SMU1: variants seen among roughly 807,000 people sequenced by gnomAD.
SMU1 encodes the protein WD40 repeat-containing protein SMU1.
SMU1 carries 2 observed loss-of-function variants against 62.0 expected under a neutral mutation model. That is an observed-to-expected ratio of 0.03 (90% confidence interval 0.01 to 0.10). SMU1 has a LOEUF of 0.10. Among genes scored for constraint, SMU1 ranks in the 10% least tolerant of loss-of-function variants. The pLI is 1.00. For synonymous variants in SMU1, 188 were observed against 212.4 expected (o/e 0.89, Z 1.00); for missense variants, 227 against 622.1 (o/e 0.36, Z 6.76).
chr9:33,060,380 C>T lies in SMU1; in HGVS notation c.750+85G>A, dbSNP rs918362745. The T allele has an allele frequency of 9.2e-6, 11 of 1,195,276 alleles. No individual in the cohort carries two copies. In the African/African-American group the frequency reaches 1.4e-4, roughly 15 times the overall value. 74.0% of individuals were successfully genotyped at this position (1,195,276 alleles called of 1,614,324 possible). ...TCATTACATACAGATCCTTTTTCAA[C>T]TAATCTGATTTAGAGGCCATAGGTA... is the stretch of plus-strand genomic sequence containing the variant. On this transcript the variant is annotated intron_variant, in intron 6 of 11. Transcript: ENST00000397149.
In SMU1 at chr9:33,056,094, C is replaced by T; in HGVS notation, c.1122+19G>A. 6.3e-7 allele frequency: 1 copy of T among 1,591,076 alleles called. No homozygotes were observed. Among genetic ancestry groups the T allele is most frequent in the Non-Finnish European group, 8.6e-7 (1 of 1,166,808 alleles). ...GATGGGGTAGACATCCCAAAATAAA[C>T]TGATAGCAAATACTTAACCTTTACA... On this transcript the variant is annotated intron_variant, in intron 9 of 11. Transcript: ENST00000397149.
chr9:33,057,672 C>T lies in SMU1; in HGVS notation c.793G>A (p.Asp265Asn). The T allele has an allele frequency of 1.2e-6, 2 of 1,613,934 alleles. No homozygotes were observed. Among genetic ancestry groups the T allele is most frequent in the Non-Finnish European group, 1.7e-6 (2 of 1,179,950 alleles). The change falls in exon 7 of 12, where the codon GAT becomes AAT. Residue 265 changes from aspartate (D) to asparagine (N), a missense_variant. Asp to Asn is a conservative substitution (Grantham distance 23, BLOSUM62 1). Transcript: ENST00000397149. ...QAQDNFMMMDDAVLCMCFSRD... is the reference protein window; with the variant it reads ...QAQDNFMMMDNAVLCMCFSRD... Reference sequence around the variant, plus strand: ...CTGAAACACATGCAGAGGACAGCATCATCCATCATCATAAAGTTATCTTGG... The same window carrying T: ...CTGAAACACATGCAGAGGACAGCATTATCCATCATCATAAAGTTATCTTGG...
chr9:33,062,223 A>T (rs765605660), intron 4 of SMU1, 46 bp from the exon 5 acceptor site: 1 of 1,587,062 alleles, frequency 6.3e-7, no homozygotes, highest in Non-Finnish European at 8.6e-7. Flanking sequence ...GGTGCTTTTA[A>T]GATCTGGTCA....
rs1278453510 is a variant in SMU1 at position 33,043,741 on chromosome 9, C to T, written c.*3552G>A. The T allele has an allele frequency of 1.3e-5, 2 of 152,180 alleles. No homozygotes were observed. Among genetic ancestry groups the T allele is most frequent in the Admixed American group, 6.6e-5 (1 of 15,262 alleles). 9.4% of individuals were successfully genotyped at this position (152,180 alleles called of 1,614,324 possible). ...GCAAGAGAGAAAAAAAACCTAGCTTCGGAGTCACATCTGGTTTTCAATGCG... is the reference window on the plus strand; with the variant it reads ...GCAAGAGAGAAAAAAAACCTAGCTTTGGAGTCACATCTGGTTTTCAATGCG... On this transcript the variant is annotated 3_prime_UTR_variant, in exon 12 of 12. Coordinates refer to ENST00000397149, the MANE Select transcript of SMU1 (RefSeq NM_018225.3).
At chr9:33,067,795 G>A (rs1839439576) in intron 4 of SMU1, among the ~76,000 whole-genome samples, 1 of 151,956 alleles carries the variant, frequency 6.6e-6, no homozygotes, top group Non-Finnish European at 1.5e-5. Context: ...CACCACGCCA[G>A]GCCAAAAAGC....
intron 4 of SMU1, among the ~76,000 whole-genome samples, chr9:33,067,496 C>CTTTT (rs1163444916): frequency 7.7e-6 from 1 of 129,682 alleles, no homozygotes. Flanking sequence ...AAGCAGCTTA[C>CTTTT]TTTTTTTTTT....
intron 11 of SMU1, among the ~76,000 whole-genome samples, chr9:33,047,703 C>A (rs900898199): frequency 6.6e-6 from 1 of 151,820 alleles, no homozygotes; most frequent in Non-Finnish European, 1.5e-5. Context: ...ACTAAAGATA[C>A]AAAAAATTAG....
chr9:33,074,972 C>T (rs1343398357), intron 1 of SMU1, among the ~76,000 whole-genome samples: 1 of 152,096 alleles, frequency 6.6e-6, no homozygotes, highest in Non-Finnish European at 1.5e-5. Flanking sequence ...GTGGTTTTGC[C>T]ATGTTGACCA....
rs147469396 is a variant in SMU1, at chr9:33,047,397, A to C, written c.1444-6T>G. On this transcript the variant is annotated splice_polypyrimidine_tract_variant and splice_region_variant and intron_variant, in intron 11 of 11. Transcript: ENST00000397149. ...ATCACATCCTTCTCGTGCACCTGGA[A>C]CATGTAAAGCACAGGGTTAGGATGT... 305 of 1,612,814 alleles carry C rather than the reference A, an allele frequency of 1.9e-4. 2 individuals are homozygous for C. The African/African-American group carries it at 3.7e-3, about 20-fold the overall frequency.
At chr9:33,072,825 T>A (rs1248965997) in intron 2 of SMU1, among the ~76,000 whole-genome samples, 1 of 131,680 alleles carries the variant, frequency 7.6e-6, no homozygotes, top group East Asian at 2.1e-4. Context: ...TGAGACTCTG[T>A]CTCAAAAAAA....
intron 5 of SMU1, 32 bp from the exon 6 acceptor site, chr9:33,060,616 T>C: frequency 6.2e-7 from 1 of 1,605,000 alleles, no homozygotes. Flanking sequence ...AACAGATGCA[T>C]TTTTATCTAG....
chr9:33,064,713 C>A (rs1207437204), intron 4 of SMU1, among the ~76,000 whole-genome samples: 1 of 151,468 alleles, frequency 6.6e-6, no homozygotes, highest in African/African-American at 2.4e-5. Context: ...TTCTTCCTTT[C>A]CAAAGTTTCT....
At chr9:33,066,823 G>A (rs933359620) in intron 4 of SMU1, among the ~76,000 whole-genome samples, 3 of 151,086 alleles carry the variant, frequency 2.0e-5, no homozygotes, top group African/African-American at 7.3e-5. Context: ...AAAGAAAACT[G>A]AGGAATCTAT....
In SMU1 at chr9:33,047,421, G is replaced by A. The variant is rs373148404; in HGVS notation, c.1444-30C>T. 23 of 1,577,730 alleles carry A rather than the reference G, an allele frequency of 1.5e-5. No homozygotes were observed. The African/African-American group carries it at 3.1e-4, about 21-fold the overall frequency. ...AACATGTAAAGCACAGGGTTAGGAT[G>A]TACAGATCTGCAATAAATCACTCTG... On this transcript the variant is annotated intron_variant, in intron 11 of 11. Transcript: ENST00000397149.
intron 8 of SMU1, 72 bp from the exon 9 acceptor site, chr9:33,056,311 C>T (rs1839303598): frequency 2.1e-6 from 3 of 1,416,184 alleles, no homozygotes; most frequent in East Asian, 2.5e-5. Flanking sequence ...CGATTGAATG[C>T]ATTTTAGATA....
intron 9 of SMU1, among the ~76,000 whole-genome samples, 194 bp from the exon 10 acceptor site, chr9:33,053,484 T>C (rs549923873): frequency 6.6e-6 from 1 of 152,350 alleles, no homozygotes; most frequent in African/African-American, 2.4e-5. Context: ...CTGTGAGGAA[T>C]TGGTTCCAGG....
At position 33,053,274 on chromosome 9, in the gene SMU1, G is replaced by T; in HGVS notation, c.1139C>A (p.Thr380Asn). 1.2e-6 allele frequency: 2 copies of T among 1,612,720 alleles called. No individual in the cohort carries two copies. Among genetic ancestry groups the T allele is most frequent in the East Asian group, 4.5e-5 (2 of 44,878 alleles). The change falls in exon 10 of 12, where the codon ACC becomes AAC. Residue 380 changes from threonine to asparagine, a missense_variant. By Grantham distance (65) the Thr-to-Asn change is moderately conservative (BLOSUM62 0). Transcript: ENST00000397149. ...DGTVKIWNMKTTECSNTFKSL... is the reference protein window; with the variant it reads ...DGTVKIWNMKNTECSNTFKSL... ...TTTAAAGGTATTTGAACATTCTGTG[G>T]TCTTCATATTCCAGATCTACCACAC... is the stretch of plus-strand genomic sequence containing the variant.
chr9:33,058,996 G>C (rs1353682025), intron 6 of SMU1, among the ~76,000 whole-genome samples: 1 of 152,060 alleles, frequency 6.6e-6, no homozygotes, highest in Non-Finnish European at 1.5e-5. Context: ...AGAAATATTA[G>C]TGACTTCGGT....
intron 4 of SMU1, among the ~76,000 whole-genome samples, chr9:33,065,770 C>T (rs1839412785): frequency 6.6e-6 from 1 of 152,186 alleles, no homozygotes; most frequent in East Asian, 1.9e-4. Context: ...CCTGAGCAAC[C>T]ACCTCGCCTT....
Sources: allele counts gnomAD v4.1 joint callset (sites outside exome capture counted in the v4.1 genomes callset), GRCh38; gene constraint gnomAD v4.1.1; transcripts MANE v1.5; gene names NCBI Gene and HGNC (gene_info 2026-07-23, HGNC 2026-07-21).